Variants in RORB observed in about 807,000 individuals in gnomAD.
The protein encoded by RORB is nuclear receptor ROR-beta.
A neutral mutation model predicts 59.1 loss-of-function variants in RORB; 6 were observed. The ratio of observed to expected loss-of-function variants is 0.10; its 90% CI spans 0.06 to 0.20. The LOEUF (loss-of-function observed/expected upper bound fraction) is 0.20. Among genes scored for constraint, RORB ranks in the 10% least tolerant of loss-of-function variants. The pLI is 1.00. For synonymous variants in RORB, 215 were observed against 204.5 expected, an observed-to-expected ratio of 1.05 and a Z score of -0.44; for missense variants, 320 against 560.5, an observed-to-expected ratio of 0.57 and a Z score of 4.33.
At chr9:74,517,632 G>T (rs10869411) in intron 1 of RORB, among the ~76,000 whole-genome samples, 1 of 151,618 alleles carries the variant, frequency 6.6e-6, no homozygotes, top group East Asian at 1.9e-4. Flanking sequence ...TTTAAAAAGG[G>T]TAGCCCCATA....
intron 1 of RORB, among the ~76,000 whole-genome samples, chr9:74,508,252 TC>T (rs781402594): frequency 6.6e-5 from 10 of 151,998 alleles, no homozygotes; most frequent in Admixed American, 2.0e-4. Flanking sequence ...ATAATGAGAA[TC>T]CTAGTCAGAC....
At chr9:74,662,844 G>A (rs1420772147) in intron 6 of RORB, among the ~76,000 whole-genome samples, 1 of 152,058 alleles carries the variant, frequency 6.6e-6, no homozygotes, top group African/African-American at 2.4e-5. Context: ...TGCGGAGGTT[G>A]AAATACCCAG....
intron 6 of RORB, among the ~76,000 whole-genome samples, chr9:74,663,103 C>T (rs1001835446): frequency 6.6e-6 from 1 of 152,166 alleles, no homozygotes; most frequent in Non-Finnish European, 1.5e-5. Context: ...ACAATTGCTA[C>T]AATCGCTGCG....
At chr9:74,614,046 A>G (rs1823273045) in intron 1 of RORB, among the ~76,000 whole-genome samples, 1 of 152,174 alleles carries the variant, frequency 6.6e-6, no homozygotes, top group Non-Finnish European at 1.5e-5. Flanking sequence ...ACATGGGTGC[A>G]TGTGTCTTTG....
At chr9:74,544,624 C>T (rs1026812737) in intron 1 of RORB, among the ~76,000 whole-genome samples, 4 of 152,154 alleles carry the variant, frequency 2.6e-5, no homozygotes, top group Admixed American at 6.5e-5. Flanking sequence ...CATGCAATGC[C>T]GTAGCTCATG....
intron 1 of RORB, among the ~76,000 whole-genome samples, chr9:74,619,203 G>A (rs1823365425): frequency 6.6e-6 from 1 of 151,958 alleles, no homozygotes; most frequent in Non-Finnish European, 1.5e-5. Context: ...CTTTCCCATT[G>A]CTATTTACTA....
chr9:74,611,052 TG>T lies in RORB; in HGVS notation c.8-19228del, dbSNP rs376171755. Among the ~76,000 whole-genome samples the T allele has an allele frequency of 9.7e-4, 147 of 152,266 alleles. 3 individuals carry two copies. In the East Asian group the frequency reaches 0.025, roughly 26 times the overall value. ...CCCCCTGAATCTTGGCAGCTGTGGG[TG>T]GTTGGAGAACTTTTCTGTCCCCCTA... On this transcript the variant is annotated intron_variant, in intron 1 of 9. Transcript: ENST00000376896.
intron 4 of RORB, among the ~76,000 whole-genome samples, chr9:74,658,389 G>A (rs958797569): frequency 5.3e-5 from 8 of 152,088 alleles, no homozygotes; most frequent in African/African-American, 1.2e-4. Context: ...ACCTTCCCAC[G>A]TATTTATTGT....
At chr9:74,535,302 T>C (rs1237208783) in intron 1 of RORB, among the ~76,000 whole-genome samples, 6 of 152,194 alleles carry the variant, frequency 3.9e-5, no homozygotes, top group South Asian at 4.1e-4. Flanking sequence ...ACATTGCCCA[T>C]TGAATAAAGA....
intron 8 of RORB, among the ~76,000 whole-genome samples, chr9:74,669,155 T>A (rs762951499): frequency 2.2e-4 from 34 of 152,204 alleles, no homozygotes; most frequent in Admixed American, 1.2e-3. Context: ...ATGGATCAAC[T>A]AGAACTGTAG....
intron 1 of RORB, among the ~76,000 whole-genome samples, chr9:74,550,510 A>T (rs575238809): frequency 6.6e-6 from 1 of 152,344 alleles, no homozygotes; most frequent in South Asian, 2.1e-4. Context: ...CTTTTCCATT[A>T]GTTTCCAATG....
rs72614694 is a variant in RORB at position 74,689,395 on chromosome 9, C to T, written c.*3777C>T. Reference sequence around the variant, plus strand: ...CAAGGATTACAGGCCTGAGCCACTGCGCCCTGCCTTCAGTGGCTCTTTTAT... The same window carrying T: ...CAAGGATTACAGGCCTGAGCCACTGTGCCCTGCCTTCAGTGGCTCTTTTAT... On this transcript the variant is annotated 3_prime_UTR_variant, in exon 10 of 10. Transcript: ENST00000376896. 0.061 allele frequency: 9,336 copies of T among 152,304 alleles called. 479 individuals are homozygous for T. Among genetic ancestry groups the T allele is most frequent in the East Asian group, 0.28 (1,467 of 5,174 alleles). The allele number at this position is 152,304 out of a possible 1,614,324, so 9.4% of individuals were successfully genotyped here. A position where few individuals can be genotyped will look rare whatever the true frequency, so the allele number is the denominator to read the frequency against.
In RORB at chr9:74,642,592, C is replaced by T. The variant is rs746944144; in HGVS notation, c.414C>T (p.Ser138=). 4 of 1,614,186 alleles carry T rather than the reference C, an allele frequency of 2.5e-6. No homozygotes were observed. The highest frequency in any genetic ancestry group is 1.7e-5 in the Admixed American group (1 of 60,024). ...NGLSNLNNET[S]GTYANGHVID... Reference sequence around the variant, plus strand: ...TGAGCAACCTGAACAACGAGACCAGCGGCACTTATGCCAACGGGCACGTCA... The same window carrying T: ...TGAGCAACCTGAACAACGAGACCAGTGGCACTTATGCCAACGGGCACGTCA... Residue 138 remains serine, a synonymous_variant, in exon 4 of 10, where the codon AGC becomes AGT. Coordinates refer to ENST00000376896, the MANE Select transcript of RORB (RefSeq NM_006914.4).
chr9:74,600,425 C>G (rs910173370), intron 1 of RORB, among the ~76,000 whole-genome samples: 1 of 152,208 alleles, frequency 6.6e-6, no homozygotes, highest in African/African-American at 2.4e-5. Flanking sequence ...CCGTTCATCA[C>G]TGAGGTGCTT....
At chr9:74,510,194 G>A (rs993346870) in intron 1 of RORB, among the ~76,000 whole-genome samples, 1 of 152,058 alleles carries the variant, frequency 6.6e-6, no homozygotes, top group African/African-American at 2.4e-5. Context: ...CCCACAATTT[G>A]ACTAAATTTG....
intron 3 of RORB, among the ~76,000 whole-genome samples, chr9:74,641,258 C>A (rs1823800272): frequency 6.6e-6 from 1 of 152,164 alleles, no homozygotes. Flanking sequence ...GGAGAAATGT[C>A]AATATTCACA....
rs75360750 is a variant in RORB at position 74,632,407 on chromosome 9, C to T, written c.93+2040C>T. On this transcript the variant is annotated intron_variant, in intron 2 of 9. Coordinates refer to ENST00000376896, the MANE Select transcript of RORB (RefSeq NM_006914.4). ...TCTGCAAATACAGAACTTAAAAATT[C>T]TCTTCAGAATTTGATGCCAATGTCA... Among the ~76,000 whole-genome samples the T allele has an allele frequency of 2.0e-5, 3 of 152,222 alleles. No individual in the cohort carries two copies. In the East Asian group the frequency reaches 5.8e-4, roughly 29 times the overall value.
In RORB at chr9:74,660,657, A is replaced by G. The variant is rs1459007440; in HGVS notation, c.678A>G (p.Thr226=). The part of the protein sequence containing the change: ...AQNIIKSHLE[T]CQYTMEELHQ... ...ACATCATTAAGTCCCATTTGGAGAC[A>G]TGTCAATACACCATGGAAGAGCTGC... The change falls in exon 5 of 10, where the codon ACA becomes ACG. Residue 226 remains threonine, a synonymous_variant. Transcript: ENST00000376896. 2.5e-6 allele frequency: 4 copies of G among 1,613,802 alleles called. No individual in the cohort carries two copies. Among genetic ancestry groups the G allele is most frequent in the Non-Finnish European group, 3.4e-6 (4 of 1,179,814 alleles).
chr9:74,513,386 G>A (rs1279302307), intron 1 of RORB, among the ~76,000 whole-genome samples: 1 of 151,814 alleles, frequency 6.6e-6, no homozygotes, highest in African/African-American at 2.4e-5. Flanking sequence ...TGATGGAAAA[G>A]TTATTGCAGT....
Sources: gnomAD v4.1 joint callset for allele counts (sites outside exome capture counted in the v4.1 genomes callset) on GRCh38, gnomAD v4.1.1 for gene constraint, MANE v1.5 for transcripts, NCBI Gene and HGNC (gene_info 2026-07-23, HGNC 2026-07-21) for gene names.